The following SKIC3 variants were observed in gnomAD, a reference collection of about 807,000 sequenced individuals.
SKIC3 encodes superkiller complex protein 3.
At chr5:95,467,638 GTA>G in the SKIC3 span, among the ~76,000 whole-genome samples, 1 of 152,052 alleles carries the variant, frequency 6.6e-6, no homozygotes, top group South Asian at 2.1e-4. Flanking sequence ...GATACAAACT[GTA>G]TATTTAACCT....
the SKIC3 span, among the ~76,000 whole-genome samples, chr5:95,509,075 G>A: frequency 6.6e-6 from 1 of 151,910 alleles, no homozygotes; most frequent in Non-Finnish European, 1.5e-5. Context: ...CCAAAATATA[G>A]CTGAAAATTT....
At chr5:95,528,140 A>G in the SKIC3 span, 1 of 1,613,708 alleles carries the variant, frequency 6.2e-7, no homozygotes, top group South Asian at 1.1e-5. Context: ...AAGATTATCT[A>G]CGATCTTCAG....
chr5:95,535,034 T>C, the SKIC3 span, among the ~76,000 whole-genome samples: 1 of 152,182 alleles, frequency 6.6e-6, no homozygotes, highest in Non-Finnish European at 1.5e-5. Context: ...TCACTTTCAT[T>C]TTTTCATTCA....
chr5:95,481,034 TG>T, the SKIC3 span, among the ~76,000 whole-genome samples: 537 of 152,222 alleles, frequency 3.5e-3, 6 homozygotes, highest in African/African-American at 0.012. Flanking sequence ...TATCTTGATA[TG>T]GGAGGTGTTA....
At chr5:95,520,411 C>G in the SKIC3 span, among the ~76,000 whole-genome samples, 1 of 150,114 alleles carries the variant, frequency 6.7e-6, no homozygotes, top group Admixed American at 6.7e-5. Context: ...TCCAGGCCTA[C>G]TGAAAGAGAA....
the SKIC3 span, chr5:95,528,952 A>C: frequency 4.0e-6 from 6 of 1,488,878 alleles, no homozygotes; most frequent in Non-Finnish European, 5.6e-6. Context: ...GATAAAAACA[A>C]ATAGGGTTGG....
the SKIC3 span, chr5:95,522,270 T>C: frequency 6.2e-7 from 1 of 1,613,640 alleles, no homozygotes; most frequent in African/African-American, 1.3e-5. Context: ...TCCCAACAAT[T>C]GAAGTCCTTT....
At chr5:95,471,503 A>C in the SKIC3 span, among the ~76,000 whole-genome samples, 1 of 151,716 alleles carries the variant, frequency 6.6e-6, no homozygotes, top group Admixed American at 6.6e-5. Context: ...CATTTTTCTT[A>C]CATTCATCCA....
the SKIC3 span, among the ~76,000 whole-genome samples, chr5:95,531,881 T>C: frequency 2.7e-4 from 41 of 152,162 alleles, no homozygotes; most frequent in African/African-American, 9.2e-4. Context: ...GCATCTGATA[T>C]GTGGTAGGTG....
chr5:95,482,421 ATAT>A, the SKIC3 span: 4 of 1,564,436 alleles, frequency 2.6e-6, no homozygotes, highest in Non-Finnish European at 3.5e-6. Context: ...ACATTAACTA[ATAT>A]TATGAAGTGT....
chr5:95,515,315 C>T, the SKIC3 span, among the ~76,000 whole-genome samples: 2 of 152,094 alleles, frequency 1.3e-5, no homozygotes, highest in Non-Finnish European at 1.5e-5. Context: ...AAGTCCTAAC[C>T]AATGAAGTCC....
the SKIC3 span, among the ~76,000 whole-genome samples, chr5:95,554,686 G>C: frequency 6.6e-6 from 1 of 152,154 alleles, no homozygotes; most frequent in Non-Finnish European, 1.5e-5. Context: ...AGGTATTCGG[G>C]GGGGTCTAAG....
the SKIC3 span, among the ~76,000 whole-genome samples, chr5:95,489,792 A>T: frequency 6.6e-6 from 1 of 152,144 alleles, no homozygotes; most frequent in Non-Finnish European, 1.5e-5. Context: ...AAATAAAAAT[A>T]GGTAGATTGT....
At chr5:95,491,502 T>C in the SKIC3 span, among the ~76,000 whole-genome samples, 4 of 152,208 alleles carry the variant, frequency 2.6e-5, no homozygotes, top group African/African-American at 9.6e-5. Flanking sequence ...TATATTCTAA[T>C]AGGCAAGCAG....
the SKIC3 span, chr5:95,543,400 T>C: frequency 1.3e-6 from 2 of 1,523,708 alleles, no homozygotes; most frequent in East Asian, 2.3e-5. Context: ...ACAGAAAGTC[T>C]AGCATGAGTC....
chr5:95,512,572 T>C, the SKIC3 span: 3 of 1,613,946 alleles, frequency 1.9e-6, no homozygotes, highest in Admixed American at 5.0e-5. Context: ...GCTTTTATCT[T>C]GCAATGTTGT....
chr5:95,514,244 ATC>A, the SKIC3 span, among the ~76,000 whole-genome samples: 3 of 152,134 alleles, frequency 2.0e-5, no homozygotes, highest in African/African-American at 7.2e-5. Context: ...ACTCAGTCTA[ATC>A]CCCTTCTTTT....
the SKIC3 span, chr5:95,469,712 T>C: frequency 6.3e-7 from 1 of 1,598,660 alleles, no homozygotes; most frequent in South Asian, 1.1e-5. Context: ...TAATCTTTCC[T>C]TGATTATTTC....
chr5:95,489,863 T>C, the SKIC3 span, among the ~76,000 whole-genome samples: 1 of 152,264 alleles, frequency 6.6e-6, no homozygotes, highest in South Asian at 2.1e-4. Flanking sequence ...ATTTCTGAAT[T>C]ACCACTTAAT....
Sources: gnomAD v4.1 joint callset for allele counts (sites outside exome capture counted in the v4.1 genomes callset) on GRCh38, gnomAD v4.1.1 for gene constraint, MANE v1.5 for transcripts, NCBI Gene and HGNC (gene_info 2026-07-23, HGNC 2026-07-21) for gene names.